The following CIT variants were observed in gnomAD, a reference collection of about 807,000 sequenced individuals.
CIT encodes citron rho-interacting serine/threonine kinase, also known as citron Rho-interacting kinase.
CIT carries 79 observed loss-of-function variants against 272.7 expected under a neutral mutation model. That is an observed-to-expected ratio of 0.29 (90% confidence interval 0.24 to 0.35). CIT has a LOEUF of 0.35. Among genes scored for constraint, CIT ranks in the 10% least tolerant of loss-of-function variants. The pLI, the probability that CIT is intolerant of heterozygous loss-of-function variation, is 1.00. For missense variants in CIT, 1,909 were observed against 2,618.3 expected, an observed-to-expected ratio of 0.73 and a Z score of 5.91; for synonymous variants, 948 against 995.6, an observed-to-expected ratio of 0.95 and a Z score of 0.90.
Position 119,689,930 on chromosome 12 carries a change from C to T in CIT, c.6186+221G>A, listed in dbSNP as rs111356250. 0.026 allele frequency among the ~76,000 whole-genome samples: 3,976 copies of T among 152,262 alleles called. 74 individuals are homozygous for T. The highest frequency in any genetic ancestry group is 0.041 in the African/African-American group (1,702 of 41,566). On this transcript the variant is annotated intron_variant, in intron 47 of 47. Transcript: ENST00000392521. ...TCCTGACCTCGTGATCCACCCGCCTCGGCCTCCCAAAGTGCTGGGATTGCA... is the reference window on the plus strand; with the variant it reads ...TCCTGACCTCGTGATCCACCCGCCTTGGCCTCCCAAAGTGCTGGGATTGCA...
chr12:119,857,785 C>T, intron 3 of CIT, 87 bp from the exon 4 acceptor site: 2 of 1,193,452 alleles, frequency 1.7e-6, no homozygotes, highest in Non-Finnish European at 2.4e-6. Context: ...AAGAAAATAG[C>T]ATTCGGATAG....
intron 9 of CIT, among the ~76,000 whole-genome samples, chr12:119,807,468 A>ATT (rs140720520): frequency 3.3e-5 from 5 of 151,028 alleles, no homozygotes; most frequent in African/African-American, 9.7e-5. Flanking sequence ...ACAAAATGTG[A>ATT]TTTTTTTTTG....
intron 10 of CIT, among the ~76,000 whole-genome samples, chr12:119,802,673 A>G (rs1333210377): frequency 6.6e-6 from 1 of 152,158 alleles, no homozygotes. Flanking sequence ...GCATACTTGG[A>G]GAGGAGCCGA....
At chr12:119,695,883 G>A (rs1417830673) in intron 46 of CIT, among the ~76,000 whole-genome samples, 1 of 152,180 alleles carries the variant, frequency 6.6e-6, no homozygotes, top group Non-Finnish European at 1.5e-5. Context: ...CTAATACAAT[G>A]TAAATGCTCT....
At position 119,713,821 on chromosome 12, in the gene CIT, A is replaced by G; in HGVS notation, c.4307-173T>C. ...TGGTGCCAGGCCCCTGCAGAAAGGG[A>G]AAACAAAAGTGCCAAGTGCTCTTGA... On this transcript the variant is annotated intron_variant, in intron 33 of 47. Coordinates refer to ENST00000392521, the MANE Select transcript of CIT (RefSeq NM_001206999.2). The surrounding 1 kb of genome is among the most constrained non-coding windows in gnomAD (Gnocchi z 5.2). 1 of 687,748 alleles carries G rather than the reference A, an allele frequency of 1.5e-6. No homozygotes were observed. Among genetic ancestry groups the G allele is most frequent in the Non-Finnish European group, 2.4e-6 (1 of 409,644 alleles). 42.6% of individuals were successfully genotyped at this position (687,748 alleles called of 1,614,324 possible).
intron 22 of CIT, among the ~76,000 whole-genome samples, chr12:119,752,499 C>T (rs957938779): frequency 2.0e-5 from 3 of 152,102 alleles, no homozygotes; most frequent in Non-Finnish European, 2.9e-5. Flanking sequence ...TATTCAAATG[C>T]CTGGGAAGAC....
rs751269310 is a variant in CIT at position 119,822,948 on chromosome 12, G to C, written c.983C>G (p.Pro328Arg). The C allele has an allele frequency of 6.2e-7, 1 of 1,609,784 alleles. No individual in the cohort carries two copies. Among genetic ancestry groups the C allele is most frequent in the East Asian group, 2.2e-5 (1 of 44,792 alleles). The change falls in exon 9 of 48, where the codon CCC (proline) becomes CGC (arginine). Residue 328 changes from proline to arginine, a missense_variant. Physicochemically the swap from Pro to Arg is moderately radical, Grantham distance 103. Around this residue, in one of 8 missense-constraint regions of CIT, gnomAD observed 529 missense variants for 549.6 expected, o/e 0.96. Coordinates refer to ENST00000392521, the MANE Select transcript of CIT (RefSeq NM_001206999.2). ...ATCAAGAAAGTCACTGCTCACTTTG[G>C]GGTCATCTGGAAATTTCAAAAACCG... ...FQRFLKFPDD[P>R]KVSSDFLDLI...
chr12:119,824,505 C>T (rs1448742936), intron 8 of CIT, among the ~76,000 whole-genome samples: 1 of 152,070 alleles, frequency 6.6e-6, no homozygotes, highest in African/African-American at 2.4e-5. Flanking sequence ...GTTTTTCTTC[C>T]GTAGCAGTAC....
intron 26 of CIT, 49 bp downstream of exon 26, chr12:119,734,115 T>G (rs768781466): frequency 6.3e-7 from 1 of 1,586,404 alleles, no homozygotes; most frequent in South Asian, 1.1e-5. Context: ...CTCAGGCCGA[T>G]CCTCCTGCGG....
chr12:119,825,220 G>A lies in CIT; in HGVS notation c.902C>T (p.Ser301Phe). Residue 301 changes from serine to phenylalanine, a missense_variant, in exon 8 of 48, where the codon TCC becomes TTC. Transcript: ENST00000392521. ...VIAYEMIYGR[S>F]PFAEGTSART... The stretch of plus-strand genomic sequence containing the variant: ...GGCAGAGGTTCCCTCTGCGAAGGGG[G>A]ATCTCCCATAAATCATCTCATAGGC... 2 of 1,614,034 alleles carry A rather than the reference G, an allele frequency of 1.2e-6. No individual in the cohort carries two copies. The highest frequency in any genetic ancestry group is 8.5e-7 in the Non-Finnish European group (1 of 1,180,010).
At chr12:119,800,037 A>G (rs938378156) in intron 10 of CIT, among the ~76,000 whole-genome samples, 1 of 151,954 alleles carries the variant, frequency 6.6e-6, no homozygotes, top group African/African-American at 2.4e-5. Flanking sequence ...AGAAGGAAAA[A>G]CCTAAATAAA....
At chr12:119,808,997 T>G (rs1351852565) in intron 9 of CIT, among the ~76,000 whole-genome samples, 1 of 152,212 alleles carries the variant, frequency 6.6e-6, no homozygotes, top group Admixed American at 6.5e-5. Flanking sequence ...ATGGCAAGTT[T>G]TGCCAGTGGG....
chr12:119,777,304 C>T (rs1023124007), intron 13 of CIT, among the ~76,000 whole-genome samples: 102 of 150,846 alleles, frequency 6.8e-4, no homozygotes, highest in Admixed American at 6.7e-3. Flanking sequence ...GAAAGATGGA[C>T]CCAGAATGAG....
In CIT at chr12:119,709,783, AGAGAGTGTGTGTGT is replaced by A. The variant is rs1277750154; in HGVS notation, c.5071+454_5071+467del. Among the ~76,000 whole-genome samples, 8 of 54,702 alleles carry A rather than the reference AGAGAGTGTGTGTGT, an allele frequency of 1.5e-4. No individual in the cohort carries two copies. The South Asian group carries it at 2.8e-3, about 19-fold the overall frequency. The allele number at this position is 54,702 out of a possible 152,430, so 35.9% of individuals were successfully genotyped here. A position where few individuals can be genotyped will look rare whatever the true frequency, so the allele number is the denominator to read the frequency against. ...AGGAAAGAGAGAGAGAGAGAGAGAGAGAGAGTGTGTGTGTGTGTGTGTGTGTGTGTGTGTGTGTG... is the reference window on the plus strand; with the variant it reads ...AGGAAAGAGAGAGAGAGAGAGAGAGAGTGTGTGTGTGTGTGTGTGTGTGTG... On this transcript the variant is annotated intron_variant, in intron 39 of 47. Coordinates refer to ENST00000392521, the MANE Select transcript of CIT (RefSeq NM_001206999.2).
intron 16 of CIT, among the ~76,000 whole-genome samples, chr12:119,773,358 C>A (rs898768039): frequency 6.6e-6 from 1 of 152,144 alleles, no homozygotes; most frequent in Non-Finnish European, 1.5e-5. Context: ...TTAATTATCT[C>A]ATTTGTTAAT....
rs766759003 is a variant in CIT at position 119,734,439 on chromosome 12, A to T, written c.3157-82T>A. 7.1e-5 allele frequency: 101 copies of T among 1,430,120 alleles called. No homozygotes were observed. In the East Asian group the frequency reaches 2.3e-3, roughly 32 times the overall value. The allele number at this position is 1,430,120 out of a possible 1,614,324, so 88.6% of individuals were successfully genotyped here. The stretch of plus-strand genomic sequence containing the variant: ...TTACTTTGGTCGGGTCAGTTTCAGA[A>T]AAGCACAAGTTTCTAACTACAGTTT... On this transcript the variant is annotated intron_variant, in intron 25 of 47. Transcript: ENST00000392521.
intron 9 of CIT, among the ~76,000 whole-genome samples, chr12:119,812,246 C>T (rs1240847093): frequency 6.6e-6 from 1 of 152,054 alleles, no homozygotes; most frequent in African/African-American, 2.4e-5. Flanking sequence ...CCACATCTGG[C>T]CCAACCAGGA....
In CIT at chr12:119,697,534, T is replaced by C. The variant is rs1956296131; in HGVS notation, c.5882+125A>G. The C allele has an allele frequency of 9.7e-7, 1 of 1,028,898 alleles. No individual in the cohort carries two copies. The highest frequency in any genetic ancestry group is 1.4e-6 in the Non-Finnish European group (1 of 701,780). The allele number at this position is 1,028,898 out of a possible 1,614,324, so 63.7% of individuals were successfully genotyped here. Reference sequence around the variant, plus strand: ...TTCAGTGCCGCAGATCGCAAACAAATGAATGGTTTGAGCTTAAGAACAAAG... The same window carrying C: ...TTCAGTGCCGCAGATCGCAAACAAACGAATGGTTTGAGCTTAAGAACAAAG... On this transcript the variant is annotated intron_variant, in intron 46 of 47. Coordinates refer to ENST00000392521, the MANE Select transcript of CIT (RefSeq NM_001206999.2). The surrounding 1 kb of genome is among the most constrained non-coding windows in gnomAD (Gnocchi z 4.9).
intron 23 of CIT, among the ~76,000 whole-genome samples, chr12:119,746,821 C>G (rs1380821262): frequency 1.3e-5 from 2 of 152,130 alleles, no homozygotes; most frequent in African/African-American, 4.8e-5. Context: ...GTTGTGGTTG[C>G]TAGACCTACT....
Sources: allele counts gnomAD v4.1 joint callset (sites outside exome capture counted in the v4.1 genomes callset), GRCh38; gene constraint gnomAD v4.1.1; regional missense constraint gnomAD v4.1.1; non-coding constraint Gnocchi (gnomAD v3.1); transcripts MANE v1.5; gene names NCBI Gene and HGNC (gene_info 2026-07-23, HGNC 2026-07-21).